Variants in EPHA6 observed in about 807,000 individuals in gnomAD.
The protein encoded by EPHA6 is EPH receptor A6.
In EPHA6, 50 loss-of-function variants were observed where a neutral mutation model predicts 112.0. That is an observed-to-expected ratio of 0.45 (90% CI 0.36 to 0.56). The LOEUF is 0.56. EPHA6 is among the 20% of genes least tolerant of loss of function. The pLI is 0.00. For missense variants in EPHA6, 1,280 were observed against 1,417.4 expected, an observed-to-expected ratio of 0.90 and a Z score of 1.56; for synonymous variants, 529 against 490.7, an observed-to-expected ratio of 1.08 and a Z score of -1.03.
At chr3:97,339,721 C>CA (rs1414188054) in intron 5 of EPHA6, among the ~76,000 whole-genome samples, 1 of 152,136 alleles carries the variant, frequency 6.6e-6, no homozygotes, top group Non-Finnish European at 1.5e-5. Flanking sequence ...GCCTAGGCCA[C>CA]CAAGCAGTAA....
Position 97,761,371 on chromosome 3 carries a change from T to A in EPHA6, c.*12670T>A. ...ATATGCTGTTTAGCAAACTACCTGCTGAGCAACATAATAAGATTTTTGTAC... is the reference window on the plus strand; with the variant it reads ...ATATGCTGTTTAGCAAACTACCTGCAGAGCAACATAATAAGATTTTTGTAC... On this transcript the variant is annotated 3_prime_UTR_variant, in exon 18 of 18. Transcript: ENST00000389672. 5.4e-6 allele frequency: 1 copy of A among 186,002 alleles called. No individual in the cohort carries two copies. Among genetic ancestry groups the A allele is most frequent in the Non-Finnish European group, 1.1e-5 (1 of 87,802 alleles). 11.5% of individuals were successfully genotyped at this position (186,002 alleles called of 1,614,324 possible).
chr3:96,941,011 T>C (rs947241507), intron 2 of EPHA6, among the ~76,000 whole-genome samples: 1 of 152,182 alleles, frequency 6.6e-6, no homozygotes, highest in Non-Finnish European at 1.5e-5. Flanking sequence ...ACCCGACCTT[T>C]CTCTCTGGCT....
intron 3 of EPHA6, among the ~76,000 whole-genome samples, chr3:97,122,486 C>G (rs773909676): frequency 4.0e-5 from 6 of 151,854 alleles, no homozygotes; most frequent in Non-Finnish European, 8.8e-5. Flanking sequence ...CATTTTTCTA[C>G]TGAGTAGATA....
chr3:97,724,216 A>G (rs899109522), intron 15 of EPHA6, among the ~76,000 whole-genome samples: 12 of 152,140 alleles, frequency 7.9e-5, no homozygotes, highest in Non-Finnish European at 1.5e-4. Flanking sequence ...CGTTCTGCAG[A>G]CTGTTGTATA....
intron 2 of EPHA6, among the ~76,000 whole-genome samples, chr3:96,914,329 T>G (rs2039381897): frequency 6.6e-6 from 1 of 152,112 alleles, no homozygotes; most frequent in African/African-American, 2.4e-5. Flanking sequence ...TGGTAAAGTT[T>G]TAAGTCATGT....
At chr3:97,213,257 T>C (rs2077929518) in intron 3 of EPHA6, among the ~76,000 whole-genome samples, 1 of 152,132 alleles carries the variant, frequency 6.6e-6, no homozygotes. Flanking sequence ...CTACATTCAC[T>C]TCCAGGGCCA....
chr3:97,441,683 A>G (rs781471812), intron 6 of EPHA6, among the ~76,000 whole-genome samples: 1 of 152,084 alleles, frequency 6.6e-6, no homozygotes, highest in Non-Finnish European at 1.5e-5. Flanking sequence ...TTTGTGATAT[A>G]TTTAGGTATT....
chr3:97,533,167 G>T (rs1177987892), intron 11 of EPHA6, among the ~76,000 whole-genome samples: 1 of 151,802 alleles, frequency 6.6e-6, no homozygotes, highest in Non-Finnish European at 1.5e-5. Context: ...ACTTTCATTT[G>T]AAAAATGATA....
At chr3:97,523,974 ATGTGTGTCCCT>A (rs1455571667) in intron 10 of EPHA6, among the ~76,000 whole-genome samples, 2 of 152,002 alleles carry the variant, frequency 1.3e-5, no homozygotes, top group Non-Finnish European at 2.9e-5. Flanking sequence ...CTGTTAGTCT[ATGTGTGTCCCT>A]AAAGCTAAAA....
chr3:97,080,137 A>G (rs977207422), intron 3 of EPHA6, among the ~76,000 whole-genome samples: 1 of 152,044 alleles, frequency 6.6e-6, no homozygotes, highest in South Asian at 2.1e-4. Context: ...CTTATATACT[A>G]CATTTTAAAA....
intron 3 of EPHA6, among the ~76,000 whole-genome samples, chr3:97,101,492 T>C (rs1376967268): frequency 2.0e-5 from 3 of 152,006 alleles, no homozygotes. Flanking sequence ...ATGTTGTTCA[T>C]GTGGGAATAA....
chr3:97,579,673 CA>C (rs1317433543), intron 11 of EPHA6, among the ~76,000 whole-genome samples: 3 of 152,196 alleles, frequency 2.0e-5, no homozygotes, highest in East Asian at 3.9e-4. Flanking sequence ...ACACATGCGC[CA>C]GTATGTAAAG....
intron 13 of EPHA6, among the ~76,000 whole-genome samples, chr3:97,633,022 G>C (rs2093916685): frequency 6.6e-6 from 1 of 152,074 alleles, no homozygotes; most frequent in African/African-American, 2.4e-5. Context: ...GGCTTGAAGT[G>C]TATGTAGATA....
At chr3:96,971,219 G>C (rs1489416657) in intron 2 of EPHA6, among the ~76,000 whole-genome samples, 2 of 152,064 alleles carry the variant, frequency 1.3e-5, no homozygotes, top group East Asian at 1.9e-4. Context: ...CTTAGTAGAA[G>C]TTATCTTTAT....
At chr3:97,211,790 G>A (rs7638918) in intron 3 of EPHA6, among the ~76,000 whole-genome samples, 2,106 of 152,182 alleles carry the variant, frequency 0.014, 56 homozygotes, top group African/African-American at 0.046. Flanking sequence ...AAAATAAGTC[G>A]CCTTAAATGA....
chr3:97,157,007 G>A (rs192017236), intron 3 of EPHA6, among the ~76,000 whole-genome samples: 9 of 152,190 alleles, frequency 5.9e-5, no homozygotes, highest in African/African-American at 2.2e-4. Context: ...TGCTTAAGAA[G>A]TACAGTTTCA....
chr3:97,511,970 G>T (rs2092372169), intron 10 of EPHA6, among the ~76,000 whole-genome samples: 1 of 151,826 alleles, frequency 6.6e-6, no homozygotes, highest in African/African-American at 2.4e-5. Context: ...TATAATAATA[G>T]TTCAAGATAT....
intron 6 of EPHA6, among the ~76,000 whole-genome samples, chr3:97,424,704 G>A (rs1472023591): frequency 6.6e-6 from 1 of 151,670 alleles, no homozygotes; most frequent in Non-Finnish European, 1.5e-5. Flanking sequence ...TACTTGGGAG[G>A]CTGAGGCAGG....
intron 2 of EPHA6, among the ~76,000 whole-genome samples, chr3:96,926,756 G>T (rs1215643009): frequency 1.3e-5 from 2 of 152,206 alleles, no homozygotes. Context: ...GATGCAAGGG[G>T]TGGGCTCCCA....
Sources: gnomAD v4.1 joint callset for allele counts (sites outside exome capture counted in the v4.1 genomes callset) on GRCh38, gnomAD v4.1.1 for gene constraint, MANE v1.5 for transcripts, NCBI Gene and HGNC (gene_info 2026-07-23, HGNC 2026-07-21) for gene names.